Variants in LGSN observed in about 807,000 individuals in gnomAD.
The protein encoded by LGSN is lengsin.
In LGSN, 21 loss-of-function variants were observed where a neutral mutation model predicts 19.5. The observed-to-expected ratio is 1.07, with a 90% CI of 0.76 to 1.55. LGSN has a LOEUF of 1.55. Among genes scored for constraint, LGSN ranks in the 40% most tolerant of loss-of-function variants. The pLI is 0.00. For missense variants in LGSN, 673 were observed against 608.5 expected, an observed-to-expected ratio of 1.11 and a Z score of -1.12; for synonymous variants, 257 against 215.6, an observed-to-expected ratio of 1.19 and a Z score of -1.68.
At chr6:63,292,760 C>G (rs980279826) in intron 2 of LGSN, among the ~76,000 whole-genome samples, 1 of 152,216 alleles carries the variant, frequency 6.6e-6, no homozygotes, top group African/African-American at 2.4e-5. Flanking sequence ...CTGCCCATGG[C>G]TGATTTTTAA....
chr6:63,516,057 T>C, the LGSN span, among the ~76,000 whole-genome samples: 5 of 152,232 alleles, frequency 3.3e-5, no homozygotes, highest in Non-Finnish European at 1.5e-5. Flanking sequence ...TTTATTCTTA[T>C]TGGCTCTATT....
chr6:63,328,642 C>T, the LGSN span, among the ~76,000 whole-genome samples: 1 of 152,212 alleles, frequency 6.6e-6, no homozygotes, highest in Admixed American at 6.5e-5. Flanking sequence ...GTGGGGTTGT[C>T]CCACGAGTCT....
chr6:63,437,472 G>A, the LGSN span, among the ~76,000 whole-genome samples: 1,451 of 152,146 alleles, frequency 9.5e-3, 15 homozygotes, highest in African/African-American at 0.032. Flanking sequence ...CCCAGGATGG[G>A]CCACTGTGCC....
chr6:63,436,863 C>G, the LGSN span, among the ~76,000 whole-genome samples: 2 of 141,928 alleles, frequency 1.4e-5, no homozygotes, highest in African/African-American at 5.0e-5. Flanking sequence ...TGGTGAAACC[C>G]CATCTCTACC....
the LGSN span, among the ~76,000 whole-genome samples, chr6:63,341,878 C>G: frequency 5.9e-5 from 9 of 152,134 alleles, no homozygotes; most frequent in Non-Finnish European, 1.0e-4. Context: ...AACAATGCAG[C>G]CAGCCTGTGT....
the LGSN span, among the ~76,000 whole-genome samples, chr6:63,345,000 C>G: frequency 2.0e-5 from 3 of 152,040 alleles, no homozygotes; most frequent in Non-Finnish European, 2.9e-5. Context: ...AGCATTGGCT[C>G]ACAGGAAACC....
the LGSN span, among the ~76,000 whole-genome samples, chr6:63,348,326 T>C: frequency 8.5e-5 from 13 of 152,112 alleles, no homozygotes; most frequent in Non-Finnish European, 1.5e-4. Context: ...CTGTGGCGCA[T>C]GCCTGTAATC....
chr6:63,279,065 A>G lies in LGSN; in HGVS notation c.*956T>C, dbSNP rs1022561644. 2 of 152,240 alleles carry G rather than the reference A, an allele frequency of 1.3e-5. No homozygotes were observed. Among genetic ancestry groups the G allele is most frequent in the Non-Finnish European group, 2.9e-5 (2 of 68,042 alleles). 9.4% of individuals were successfully genotyped at this position (152,240 alleles called of 1,614,324 possible). On this transcript the variant is annotated 3_prime_UTR_variant, in exon 4 of 4. Coordinates refer to ENST00000370657, the MANE Select transcript of LGSN (RefSeq NM_016571.3). ...CAAACAAAGGCCTGGAACAGGTAAT[A>G]TTCTCTGGGGAGGTACCAACCTCTG...
At chr6:63,476,245 T>C in the LGSN span, among the ~76,000 whole-genome samples, 1 of 152,194 alleles carries the variant, frequency 6.6e-6, no homozygotes, top group East Asian at 1.9e-4. Context: ...GTTTTCAGAT[T>C]GTGTTCTCCT....
chr6:63,310,820 C>T (rs1038416043), intron 1 of LGSN, among the ~76,000 whole-genome samples: 1 of 152,188 alleles, frequency 6.6e-6, no homozygotes, highest in African/African-American at 2.4e-5. Flanking sequence ...CATCAAAATG[C>T]TCACAAAATT....
the LGSN span, among the ~76,000 whole-genome samples, chr6:63,420,099 A>C: frequency 6.6e-6 from 1 of 150,652 alleles, no homozygotes; most frequent in Non-Finnish European, 1.5e-5. Flanking sequence ...GCTACTCTGG[A>C]GGCTGAGGCA....
chr6:63,395,445 T>C, the LGSN span: 1 of 152,350 alleles, frequency 6.6e-6, no homozygotes, highest in South Asian at 2.1e-4. Context: ...GTAGGTTGTG[T>C]TCCCCTCCAG....
the LGSN span, among the ~76,000 whole-genome samples, chr6:63,412,394 A>AGAAG: frequency 6.5e-5 from 9 of 138,862 alleles, no homozygotes; most frequent in African/African-American, 2.8e-4. Flanking sequence ...GAGAGATGAA[A>AGAAG]GAAGGAAAGA....
At chr6:63,337,072 C>G in the LGSN span, among the ~76,000 whole-genome samples, 1 of 151,358 alleles carries the variant, frequency 6.6e-6, no homozygotes. Flanking sequence ...TACAGGCACG[C>G]ACCACCATGC....
chr6:63,371,489 A>T, the LGSN span, among the ~76,000 whole-genome samples: 1 of 152,246 alleles, frequency 6.6e-6, no homozygotes, highest in Non-Finnish European at 1.5e-5. Flanking sequence ...TTTTAGAAAT[A>T]GATGGAATAT....
chr6:63,513,241 G>C, the LGSN span, among the ~76,000 whole-genome samples: 5 of 152,020 alleles, frequency 3.3e-5, no homozygotes, highest in African/African-American at 1.2e-4. Flanking sequence ...TCTTATTATT[G>C]TCCCTTTTGC....
intron 1 of LGSN, among the ~76,000 whole-genome samples, chr6:63,296,313 T>A (rs1767974658): frequency 6.6e-6 from 1 of 151,704 alleles, no homozygotes; most frequent in African/African-American, 2.4e-5. Context: ...ATAATTAATT[T>A]TGTAAGTAAT....
At chr6:63,333,565 G>GGA in the LGSN span, among the ~76,000 whole-genome samples, 5 of 137,644 alleles carry the variant, frequency 3.6e-5, no homozygotes, top group African/African-American at 1.1e-4. Context: ...AAGGAAGGAA[G>GGA]GAGAGAGAGA....
At chr6:63,340,706 T>C in the LGSN span, among the ~76,000 whole-genome samples, 255 of 152,222 alleles carry the variant, frequency 1.7e-3, 2 homozygotes, top group South Asian at 0.029. Context: ...TTATCTTTTA[T>C]ATCTCACTGA....
Sources: allele counts gnomAD v4.1 joint callset (sites outside exome capture counted in the v4.1 genomes callset), GRCh38; gene constraint gnomAD v4.1.1; transcripts MANE v1.5; gene names NCBI Gene and HGNC (gene_info 2026-07-23, HGNC 2026-07-21).